CLCN7: variants seen among roughly 807,000 people sequenced by gnomAD.
The protein encoded by CLCN7 is H(+)/Cl(-) exchange transporter 7.
CLCN7 carries 60 observed loss-of-function variants against 102.1 expected under a neutral mutation model. That is an observed-to-expected ratio of 0.59 (90% CI 0.48 to 0.73). The LOEUF is 0.73. Among genes scored for constraint, CLCN7 ranks in the 30% least tolerant of loss-of-function variants. CLCN7 has a pLI of 0.00. For missense variants in CLCN7, 962 were observed against 1,125.7 expected (o/e 0.85, Z 2.08); for synonymous variants, 560 against 490.5 (o/e 1.14, Z -1.87).
chr16:1,447,281 C>A (rs2038663702), intron 23 of CLCN7, 111 bp downstream of exon 23: 5 of 1,254,478 alleles, frequency 4.0e-6, no homozygotes, highest in Middle Eastern at 2.7e-4. Context: ...GACAGAGTCA[C>A]CGAGTCCTCT....
intron 17 of CLCN7, 100 bp downstream of exon 17, chr16:1,450,397 G>C (rs1047827635): frequency 3.5e-6 from 4 of 1,143,366 alleles, no homozygotes; most frequent in East Asian, 5.1e-5. Context: ...CGTGAGGTGC[G>C]ACACTTTTGT....
At chr16:1,462,777 T>C (rs911898657) in intron 2 of CLCN7, among the ~76,000 whole-genome samples, 3 of 151,542 alleles carry the variant, frequency 2.0e-5, no homozygotes, top group African/African-American at 7.3e-5. Flanking sequence ...GTACGATCAA[T>C]TGATTTCCCA....
chr16:1,453,866 G>A lies in CLCN7; in HGVS notation c.1182C>T (p.Ala394=), dbSNP rs367549656. The change falls in exon 14 of 25, where the codon GCC becomes GCT. Residue 394 remains alanine (A), a synonymous_variant. Coordinates refer to ENST00000382745, the MANE Select transcript of CLCN7 (RefSeq NM_001287.6). ...GAAACATGGTCAGCCAGTAGTTCAAGGCATTGAACACTGCTCCAAGCACAC... is the reference window on the plus strand; with the variant it reads ...GAAACATGGTCAGCCAGTAGTTCAAAGCATTGAACACTGCTCCAAGCACAC... ...VGGVLGAVFN[A]LNYWLTMFRI... 58 of 1,613,242 alleles carry A rather than the reference G, an allele frequency of 3.6e-5. No homozygotes were observed. Among genetic ancestry groups the A allele is most frequent in the Non-Finnish European group, 4.6e-5 (54 of 1,180,000 alleles).
chr16:1,467,225 C>T (rs35463091), intron 1 of CLCN7, among the ~76,000 whole-genome samples: 21,997 of 152,236 alleles, frequency 0.14, 1,821 homozygotes, highest in African/African-American at 0.22. Flanking sequence ...TCGCAGGTGT[C>T]TGCCGTGGCA....
chr16:1,458,572 G>C (rs1159563711), intron 7 of CLCN7, among the ~76,000 whole-genome samples: 2 of 152,220 alleles, frequency 1.3e-5, no homozygotes, highest in Non-Finnish European at 2.9e-5. Context: ...AGCACCCCCA[G>C]GGGGCAGCGG....
At chr16:1,453,749 G>A in intron 14 of CLCN7, 85 bp downstream of exon 14, 2 of 1,300,682 alleles carry the variant, frequency 1.5e-6, no homozygotes, top group Non-Finnish European at 2.2e-6. Context: ...GCCTAGGAGT[G>A]TAAACCCCAT....
chr16:1,461,742 C>T (rs1006743384), intron 2 of CLCN7, 68 bp from the exon 3 acceptor site: 4 of 1,312,016 alleles, frequency 3.0e-6, no homozygotes, highest in South Asian at 1.2e-5. Flanking sequence ...CCCCTCTCAG[C>T]TCACACACGA....
In CLCN7 at chr16:1,461,519, T is replaced by C. The variant is rs772287697; in HGVS notation, c.286-49A>G. 2.5e-6 allele frequency: 4 copies of C among 1,604,972 alleles called. No homozygotes were observed. In the Admixed American group the frequency reaches 6.9e-5, roughly 28 times the overall value. On this transcript the variant is annotated intron_variant, in intron 3 of 24. Coordinates refer to ENST00000382745, the MANE Select transcript of CLCN7 (RefSeq NM_001287.6). ...AGCACTCAGCACCGAACCCACGCTCTGGGTGCGGGCACAGGGGACCGGGAG... is the reference window on the plus strand; with the variant it reads ...AGCACTCAGCACCGAACCCACGCTCCGGGTGCGGGCACAGGGGACCGGGAG...
intron 2 of CLCN7, 102 bp from the exon 3 acceptor site, chr16:1,461,776 G>A: frequency 1.0e-6 from 1 of 976,190 alleles, no homozygotes; most frequent in Middle Eastern, 2.5e-4. Context: ...CCGACACCAA[G>A]GACAAGGACA....
At chr16:1,453,735 T>C in intron 14 of CLCN7, 99 bp downstream of exon 14, 3 of 1,131,568 alleles carry the variant, frequency 2.7e-6, no homozygotes, top group East Asian at 2.3e-5. Context: ...TTCTTTCGGC[T>C]GTGGCCTAGG....
chr16:1,452,957 T>C, intron 14 of CLCN7, 64 bp from the exon 15 acceptor site: 1 of 1,547,684 alleles, frequency 6.5e-7, no homozygotes. Context: ...GCAGGCCCCA[T>C]GGCAACTCGA....
rs146690487 is a variant in CLCN7, at chr16:1,445,486, G to GC, written c.*1144dup. The GC allele has an allele frequency of 0.1, 15,750 of 152,344 alleles. 1,220 individuals are homozygous for GC. The highest frequency in any genetic ancestry group is 0.21 in the African/African-American group (8,661 of 41,548). The allele number at this position is 152,344 out of a possible 1,614,324, so 9.4% of individuals were successfully genotyped here. On this transcript the variant is annotated 3_prime_UTR_variant, in exon 25 of 25. Transcript: ENST00000382745. ...AATACACGGCAGGGGGCCGCACCCA[G>GC]CCCCCCACGGAGGGACCCGTGTTGC...
chr16:1,457,530 G>A lies in CLCN7; in HGVS notation c.738+164C>T, dbSNP rs549834462. ...CGGTGCTCAGAGACACGCGTGACGCGGCCCTTCCTGGAGACCAGAAGGACC... is the reference window on the plus strand; with the variant it reads ...CGGTGCTCAGAGACACGCGTGACGCAGCCCTTCCTGGAGACCAGAAGGACC... On this transcript the variant is annotated intron_variant, in intron 8 of 24. Transcript: ENST00000382745. The surrounding 1 kb of genome is among the most constrained non-coding windows in gnomAD (Gnocchi z 5.4). The A allele has an allele frequency of 1.1e-4, 74 of 677,526 alleles. No homozygotes were observed. Among genetic ancestry groups the A allele is most frequent in the African/African-American group, 9.6e-4 (54 of 56,328 alleles). 42.0% of individuals were successfully genotyped at this position (677,526 alleles called of 1,614,324 possible).
At chr16:1,446,984 C>A in intron 24 of CLCN7, 22 bp downstream of exon 24, 1 of 1,559,924 alleles carries the variant, frequency 6.4e-7, no homozygotes, top group South Asian at 1.2e-5. Flanking sequence ...GGCATGCCTG[C>A]ACCCCCACCG....
At chr16:1,460,310 C>T in intron 6 of CLCN7, 108 bp downstream of exon 6, 1 of 827,410 alleles carries the variant, frequency 1.2e-6, no homozygotes, top group Non-Finnish European at 2.0e-6. Flanking sequence ...CCCGGGTTGT[C>T]AGCCAATGTG....
chr16:1,460,517 C>T lies in CLCN7; in HGVS notation c.495G>A (p.Lys165=), dbSNP rs2038917342. The change falls in exon 6 of 25, where the codon AAG becomes AAA. Residue 165 remains lysine, a synonymous_variant. Coordinates refer to ENST00000382745, the MANE Select transcript of CLCN7 (RefSeq NM_001287.6). ...KYRVIKGNID[K]FTEKGGLSFS... ...AGGACAGTCCGCCCTTCTCTGTGAA[C>T]TTGTCGATATCTGGGGCTCATCAAG... 6.2e-7 allele frequency: 1 copy of T among 1,613,192 alleles called. No individual in the cohort carries two copies. The highest frequency in any genetic ancestry group is 8.5e-7 in the Non-Finnish European group (1 of 1,179,532).
rs41286691 is a variant in CLCN7 at position 1,451,723 on chromosome 16, G to A, written c.1354-7C>T. On this transcript the variant is annotated splice_polypyrimidine_tract_variant and splice_region_variant and intron_variant, in intron 15 of 24. Coordinates refer to ENST00000382745, the MANE Select transcript of CLCN7 (RefSeq NM_001287.6). ...CGCCATCTGCACAAAAGAGCTGTGG[G>A]GTCGGGAGAGAGCACACGTTGGGAG... is the stretch of plus-strand genomic sequence containing the variant. 2.5e-3 allele frequency: 4,057 copies of A among 1,611,034 alleles called. 7 individuals carry two copies. The highest frequency in any genetic ancestry group is 2.9e-3 in the Non-Finnish European group (3,446 of 1,178,894).
chr16:1,450,388 G>A (rs530075028), intron 17 of CLCN7, 109 bp downstream of exon 17: 22 of 1,164,378 alleles, frequency 1.9e-5, no homozygotes, highest in East Asian at 1.5e-4. Context: ...CGTGAACCAC[G>A]TGAGGTGCGA....
At chr16:1,462,583 C>T (rs1027928822) in intron 2 of CLCN7, among the ~76,000 whole-genome samples, 14 of 149,774 alleles carry the variant, frequency 9.3e-5, no homozygotes, top group African/African-American at 3.5e-4. Flanking sequence ...ACCATGTTGG[C>T]CAGGCTGGTC....
Sources: allele counts gnomAD v4.1 joint callset (sites outside exome capture counted in the v4.1 genomes callset), GRCh38; gene constraint gnomAD v4.1.1; non-coding constraint Gnocchi (gnomAD v3.1); transcripts MANE v1.5; gene names NCBI Gene and HGNC (gene_info 2026-07-23, HGNC 2026-07-21).